Variants in MACROD2 observed in about 807,000 individuals in gnomAD.
MACROD2 encodes the protein ADP-ribose glycohydrolase MACROD2.
MACROD2 carries 36 observed loss-of-function variants against 70.4 expected under a neutral mutation model. The ratio of observed to expected loss-of-function variants is 0.51; its 90% CI spans 0.39 to 0.68. MACROD2 has a LOEUF of 0.68. Among genes scored for constraint, MACROD2 ranks in the 30% least tolerant of loss-of-function variants. The pLI is 0.00. For synonymous variants in MACROD2, 172 were observed against 178.8 expected (o/e 0.96, Z 0.30); for missense variants, 496 against 538.4 (o/e 0.92, Z 0.78).
intron 3 of MACROD2, among the ~76,000 whole-genome samples, chr20:14,280,059 C>G (rs1040137441): frequency 2.6e-5 from 4 of 152,160 alleles, no homozygotes; most frequent in Non-Finnish European, 5.9e-5. Context: ...GTGTTTATTA[C>G]TGAATATAGT....
At chr20:15,916,034 A>C (rs1279152640) in intron 10 of MACROD2, among the ~76,000 whole-genome samples, 1 of 152,198 alleles carries the variant, frequency 6.6e-6, no homozygotes, top group African/African-American at 2.4e-5. Context: ...AAAGAAAAGG[A>C]CAAAAATATA....
chr20:14,360,821 G>T (rs1354086156), intron 3 of MACROD2, among the ~76,000 whole-genome samples: 2 of 152,116 alleles, frequency 1.3e-5, no homozygotes, highest in Non-Finnish European at 2.9e-5. Context: ...AATGATACAG[G>T]TGTGTCAAAT....
chr20:15,876,967 C>T (rs920992347), intron 9 of MACROD2, among the ~76,000 whole-genome samples: 7 of 152,242 alleles, frequency 4.6e-5, no homozygotes, highest in Admixed American at 1.3e-4. Context: ...ACTGCAATAA[C>T]GTGACTGTCT....
intron 8 of MACROD2, among the ~76,000 whole-genome samples, chr20:15,512,894 G>T (rs1335064570): frequency 6.6e-6 from 1 of 152,208 alleles, no homozygotes; most frequent in Non-Finnish European, 1.5e-5. Flanking sequence ...GGCTGATGGG[G>T]TGTGCATTTG....
chr20:14,282,201 AAG>A (rs540152309), intron 3 of MACROD2, among the ~76,000 whole-genome samples: 58 of 152,280 alleles, frequency 3.8e-4, no homozygotes, highest in African/African-American at 1.3e-3. Context: ...ATAGTTAGAA[AAG>A]AGAGGAGTAT....
Position 14,751,816 on chromosome 20 carries a change from G to A in MACROD2, c.418+66857G>A, listed in dbSNP as rs1600625716. ...AACTATACTCCACTGATTTTTGTGGGTGAAACTGCAAAGTCACACAGTAAA... is the reference window on the plus strand; with the variant it reads ...AACTATACTCCACTGATTTTTGTGGATGAAACTGCAAAGTCACACAGTAAA... On this transcript the variant is annotated intron_variant, in intron 5 of 17. Transcript: ENST00000684519. 2.7e-5 allele frequency among the ~76,000 whole-genome samples: 4 copies of A among 146,926 alleles called. No homozygotes were observed. In the Admixed American group the frequency reaches 2.8e-4, roughly 10 times the overall value.
chr20:14,526,701 G>A (rs2423799), intron 4 of MACROD2, among the ~76,000 whole-genome samples: 124,703 of 152,176 alleles, frequency 0.82, 51,506 homozygotes, highest in East Asian at 1. Context: ...AGGGCATGTG[G>A]TGGGGGTGTG....
At chr20:14,408,682 A>G (rs1385372721) in intron 3 of MACROD2, among the ~76,000 whole-genome samples, 1 of 152,160 alleles carries the variant, frequency 6.6e-6, no homozygotes, top group African/African-American at 2.4e-5. Flanking sequence ...TTGGGCATCT[A>G]TATTGGTTCA....
rs8118313 is a variant in MACROD2, at chr20:15,781,152, C to A, written c.646-81593C>A. On this transcript the variant is annotated intron_variant, in intron 8 of 17. Coordinates refer to ENST00000684519, the MANE Select transcript of MACROD2 (RefSeq NM_001351661.2). Reference sequence around the variant, plus strand: ...CCAATAAAACTCTATAGGAGAAATTCTCTTTACAAATAAAGAATGTGGAGA... The same window carrying A: ...CCAATAAAACTCTATAGGAGAAATTATCTTTACAAATAAAGAATGTGGAGA... Among the ~76,000 whole-genome samples, 1,071 of 152,282 alleles carry A rather than the reference C, an allele frequency of 7.0e-3. 14 individuals carry two copies. Among genetic ancestry groups the A allele is most frequent in the African/African-American group, 0.024 (1,008 of 41,564 alleles).
At chr20:15,756,397 G>A (rs2235761) in intron 8 of MACROD2, among the ~76,000 whole-genome samples, 13,438 of 147,508 alleles carry the variant, frequency 0.091, 927 homozygotes, top group East Asian at 0.34. Flanking sequence ...GGAGTACTTT[G>A]CTTCTTGGTT....
intron 5 of MACROD2, among the ~76,000 whole-genome samples, chr20:15,140,892 G>A (rs1410835445): frequency 1.3e-5 from 2 of 152,126 alleles, no homozygotes; most frequent in African/African-American, 2.4e-5. Context: ...AACTGCCTAC[G>A]TGGATCACAT....
chr20:15,254,266 T>TACAG (rs1397461652), intron 6 of MACROD2, among the ~76,000 whole-genome samples: 1 of 152,132 alleles, frequency 6.6e-6, no homozygotes, highest in East Asian at 1.9e-4. Context: ...GTGTAAACAG[T>TACAG]ACAGATCTTA....
chr20:15,621,642 G>C (rs1344988509), intron 8 of MACROD2, among the ~76,000 whole-genome samples: 1 of 152,062 alleles, frequency 6.6e-6, no homozygotes, highest in African/African-American at 2.4e-5. Flanking sequence ...TGCAAGTTCT[G>C]GTCCTTTCAT....
chr20:15,244,062 T>C (rs1389698217), intron 6 of MACROD2, among the ~76,000 whole-genome samples: 1 of 152,178 alleles, frequency 6.6e-6, no homozygotes, highest in Non-Finnish European at 1.5e-5. Context: ...ACACAGCAAT[T>C]CCTAATTACT....
chr20:14,346,196 T>G (rs2083062908), intron 3 of MACROD2, among the ~76,000 whole-genome samples: 1 of 151,416 alleles, frequency 6.6e-6, no homozygotes, highest in Admixed American at 6.6e-5. Flanking sequence ...GTAACCTAAC[T>G]TTATCACAAA....
chr20:15,875,724 A>G (rs1006363407), intron 9 of MACROD2, among the ~76,000 whole-genome samples: 4 of 151,984 alleles, frequency 2.6e-5, no homozygotes, highest in African/African-American at 9.7e-5. Context: ...AAGACCTGGG[A>G]ACATGAGCCT....
intron 5 of MACROD2, among the ~76,000 whole-genome samples, chr20:15,099,521 G>A (rs2075856869): frequency 6.6e-6 from 1 of 152,188 alleles, no homozygotes; most frequent in African/African-American, 2.4e-5. Flanking sequence ...GGATCCCTCA[G>A]CCTCCAGGAC....
At chr20:15,787,305 A>G (rs1265765471) in intron 8 of MACROD2, among the ~76,000 whole-genome samples, 1 of 152,028 alleles carries the variant, frequency 6.6e-6, no homozygotes, top group Non-Finnish European at 1.5e-5. Flanking sequence ...ATACTTATTT[A>G]TTTTTTATTT....
intron 6 of MACROD2, among the ~76,000 whole-genome samples, chr20:15,417,371 G>T (rs1256843119): frequency 1.3e-5 from 2 of 151,824 alleles, no homozygotes; most frequent in Non-Finnish European, 2.9e-5. Context: ...CAGGAGGATT[G>T]CTTGAGCTCA....
Sources: allele counts gnomAD v4.1 joint callset (sites outside exome capture counted in the v4.1 genomes callset), GRCh38; gene constraint gnomAD v4.1.1; transcripts MANE v1.5; gene names NCBI Gene and HGNC (gene_info 2026-07-23, HGNC 2026-07-21).